PI4KB: variants seen among roughly 807,000 people sequenced by gnomAD.
PI4KB encodes PtdIns 4-kinase beta.
In PI4KB, 23 loss-of-function variants were observed where a neutral mutation model predicts 81.4. That is an observed-to-expected ratio of 0.28 (90% CI 0.20 to 0.40). The LOEUF is 0.40. PI4KB is among the 10% of genes least tolerant of loss of function. The pLI is 1.00. For missense variants in PI4KB, 651 were observed against 1,036.6 expected (o/e 0.63, Z 5.11); for synonymous variants, 381 against 406.8 (o/e 0.94, Z 0.76).
At chr1:151,313,888 A>C (rs1316916299) in intron 2 of PI4KB, among the ~76,000 whole-genome samples, 1 of 152,228 alleles carries the variant, frequency 6.6e-6, no homozygotes, top group Non-Finnish European at 1.5e-5. Context: ...TGGAGATTTG[A>C]GTCCTGGTCT....
chr1:151,317,033 G>C (rs1648066337), intron 1 of PI4KB, among the ~76,000 whole-genome samples: 1 of 151,914 alleles, frequency 6.6e-6, no homozygotes, highest in African/African-American at 2.4e-5. Flanking sequence ...CACCATGTTA[G>C]CCAGGATGGT....
At position 151,316,206 on chromosome 1, in the gene PI4KB, A is replaced by T. The variant is rs1231505306; in HGVS notation, c.276T>A (p.Asp92Glu). Residue 92 changes from aspartate to glutamate, a missense_variant, in exon 2 of 12, where the codon GAT (aspartate) becomes GAA (glutamate). Asp to Glu is a conservative substitution (Grantham distance 45). Coordinates refer to ENST00000368873, the MANE Select transcript of PI4KB (RefSeq NM_001369623.2). ...CCTCCTCCCTGATCTGGGCAGGTGG[A>T]TCATCTAGGCAACGGATCTCACTGT... is the stretch of plus-strand genomic sequence containing the variant. Reference protein sequence around the residue: ...GVDSEIRCLDDPPAQIREEED... With the variant: ...GVDSEIRCLDEPPAQIREEED... The T allele has an allele frequency of 6.2e-7, 1 of 1,613,876 alleles. No homozygotes were observed. Among genetic ancestry groups the T allele is most frequent in the Non-Finnish European group, 8.5e-7 (1 of 1,179,998 alleles).
intron 1 of PI4KB, among the ~76,000 whole-genome samples, chr1:151,316,743 C>T (rs1648002123): frequency 1.3e-5 from 2 of 152,182 alleles, no homozygotes; most frequent in African/African-American, 4.8e-5. Context: ...TCAGCTTAGC[C>T]TCTGTTCTTA....
Position 151,303,782 on chromosome 1 carries a change from C to G in PI4KB, c.1411-132G>C. On this transcript the variant is annotated intron_variant, in intron 5 of 11. Coordinates refer to ENST00000368873, the MANE Select transcript of PI4KB (RefSeq NM_001369623.2). ...CTCTGCTTACACACCATGTTGGTTA[C>G]TGGGACCCCAGGCTGCCCAGAGCAG... 3 of 679,062 alleles carry G rather than the reference C, an allele frequency of 4.4e-6. No individual in the cohort carries two copies. In the South Asian group the frequency reaches 4.8e-5, roughly 11 times the overall value. 42.1% of individuals were successfully genotyped at this position (679,062 alleles called of 1,614,324 possible). A position where few individuals can be genotyped will look rare whatever the true frequency, so the allele number is the denominator to read the frequency against.
At chr1:151,302,998 T>G (rs1468379451) in intron 6 of PI4KB, among the ~76,000 whole-genome samples, 1 of 143,038 alleles carries the variant, frequency 7.0e-6, no homozygotes, top group South Asian at 2.3e-4. Context: ...CTTTCTTGTT[T>G]TTTTTTTTTT....
rs1282841697 is a variant in PI4KB, at chr1:151,306,269, G to A, written c.1277C>T (p.Thr426Met). 1.9e-6 allele frequency: 3 copies of A among 1,613,992 alleles called. No homozygotes were observed. The highest frequency in any genetic ancestry group is 1.1e-5 in the South Asian group (1 of 91,088). ...ARIPENRIRS[T>M]RSVENLPECG... ...TTCGGGCAAGTTTTCTACGGACCTC[G>A]TACTCCGAATTCGGTTCTCGGGGAT... is the stretch of plus-strand genomic sequence containing the variant. The change falls in exon 5 of 12, where the codon ACG (threonine) becomes ATG (methionine). Residue 426 changes from threonine to methionine, a missense_variant. Thr to Met is a moderately conservative substitution (Grantham distance 81). Around this residue, in one of 5 missense-constraint regions of PI4KB, gnomAD observed 246 missense variants for 430.1 expected, o/e 0.57. Coordinates refer to ENST00000368873, the MANE Select transcript of PI4KB (RefSeq NM_001369623.2).
chr1:151,301,300 C>T (rs1447267085), intron 8 of PI4KB, among the ~76,000 whole-genome samples: 3 of 152,212 alleles, frequency 2.0e-5, no homozygotes, highest in African/African-American at 7.2e-5. Flanking sequence ...ACTGCAACCT[C>T]TGCCTCCTGG....
intron 4 of PI4KB, 135 bp downstream of exon 4, chr1:151,307,439 T>C (rs768392783): frequency 9.5e-6 from 6 of 631,018 alleles, no homozygotes; most frequent in African/African-American, 9.1e-5. Flanking sequence ...AGAGTCATGG[T>C]TGACATATGC....
In PI4KB at chr1:151,302,301, G is replaced by A; in HGVS notation, c.1521-3C>T. 6.2e-7 allele frequency: 1 copy of A among 1,611,484 alleles called. No homozygotes were observed. Among genetic ancestry groups the A allele is most frequent in the Non-Finnish European group, 8.5e-7 (1 of 1,177,634 alleles). ...CCAGCTGTTCCGAAAGGCGCCGGCT[G>A]GCAGGAAGAAAATACATCATTTGCT... is the stretch of plus-strand genomic sequence containing the variant. On this transcript the variant is annotated splice_polypyrimidine_tract_variant and splice_region_variant and intron_variant, in intron 6 of 11. Transcript: ENST00000368873.
intron 4 of PI4KB, 162 bp from the exon 5 acceptor site, chr1:151,306,525 C>T (rs952071272): frequency 1.2e-5 from 7 of 602,248 alleles, no homozygotes; most frequent in Non-Finnish European, 1.8e-5. Context: ...AGATACTTGT[C>T]CTATGATCAC....
At chr1:151,294,691 T>C (rs1424973851) in intron 9 of PI4KB, 150 bp from the exon 10 acceptor site, 1 of 646,670 alleles carries the variant, frequency 1.5e-6, no homozygotes, top group African/African-American at 1.8e-5. Context: ...TCCTGTCCAG[T>C]TTCCTAGGAC....
rs1694333600 is a variant in PI4KB, at chr1:151,292,174, A to G, written c.*678T>C. 1 of 152,330 alleles carries G rather than the reference A, an allele frequency of 6.6e-6. No homozygotes were observed. The highest frequency in any genetic ancestry group is 2.1e-4 in the South Asian group (1 of 4,834). 9.4% of individuals were successfully genotyped at this position (152,330 alleles called of 1,614,324 possible). On this transcript the variant is annotated 3_prime_UTR_variant, in exon 12 of 12. Transcript: ENST00000368873. Reference sequence around the variant, plus strand: ...ATTTCAAACAAAAATTAAAAATAAAAAATTGAGAGCTCTTTTCCCTGGGTT... The same window carrying G: ...ATTTCAAACAAAAATTAAAAATAAAGAATTGAGAGCTCTTTTCCCTGGGTT...
intron 2 of PI4KB, among the ~76,000 whole-genome samples, chr1:151,312,256 CTTT>C (rs1553193128): frequency 6.6e-6 from 1 of 152,194 alleles, no homozygotes. Context: ...TGAGCCTCTT[CTTT>C]GAGGCCCGAC....
rs967152918 is a variant in PI4KB at position 151,316,276 on chromosome 1, G to A, written c.206C>T (p.Ser69Phe). 1 of 1,614,088 alleles carries A rather than the reference G, an allele frequency of 6.2e-7. No individual in the cohort carries two copies. Among genetic ancestry groups the A allele is most frequent in the Non-Finnish European group, 8.5e-7 (1 of 1,180,042 alleles). Residue 69 changes from serine to phenylalanine, a missense_variant, in exon 2 of 12, where the codon TCT becomes TTT. By Grantham distance (155) the Ser-to-Phe change is radical. Around this residue, in one of 5 missense-constraint regions of PI4KB, gnomAD observed 314 missense variants for 397.8 expected, o/e 0.79. Transcript: ENST00000368873. ...CAACTCCAGTGGGGTGCCTCTGCTAGAGACTGCCACGCCTCCATGCAAAAG... is the reference window on the plus strand; with the variant it reads ...CAACTCCAGTGGGGTGCCTCTGCTAAAGACTGCCACGCCTCCATGCAAAAG... ...VKLLHGGVAV[S>F]SRGTPLELVN...
At chr1:151,314,609 C>T (rs1236619163) in intron 2 of PI4KB, among the ~76,000 whole-genome samples, 1 of 152,204 alleles carries the variant, frequency 6.6e-6, no homozygotes, top group East Asian at 1.9e-4. Flanking sequence ...TCCCTTTGTG[C>T]TTCTCCCAAA....
chr1:151,315,815 T>C lies in PI4KB; in HGVS notation c.667A>G (p.Met223Val), dbSNP rs1415124243. ...GAGTGTCGTTGAGTGGAAATGTGCA[T>C]GTCTGAAGAATAGGCCCCAAGCAAC... Reference protein sequence around the residue: ...ALLLGAYSSDMHISTQRHSRG... With the variant: ...ALLLGAYSSDVHISTQRHSRG... Residue 223 changes from methionine to valine, a missense_variant, in exon 2 of 12, where the codon ATG (methionine) becomes GTG (valine). By Grantham distance (21) the Met-to-Val change is conservative. This residue lies in a region of PI4KB where 314 missense variants were observed against 397.8 expected (regional missense o/e 0.79). Transcript: ENST00000368873. The C allele has an allele frequency of 1.2e-6, 2 of 1,613,268 alleles. No individual in the cohort carries two copies. The highest frequency in any genetic ancestry group is 1.7e-6 in the Non-Finnish European group (2 of 1,179,560).
chr1:151,307,896 C>A, intron 3 of PI4KB, 95 bp from the exon 4 acceptor site: 1 of 917,336 alleles, frequency 1.1e-6, no homozygotes, highest in Non-Finnish European at 1.8e-6. Context: ...AGGCCGGGGA[C>A]CCCACTATCT....
chr1:151,325,005 T>C, intron 1 of PI4KB: 2 of 589,022 alleles, frequency 3.4e-6, no homozygotes, highest in Non-Finnish European at 4.3e-6. Flanking sequence ...TTTTTTTTTT[T>C]TCCTGAGACA....
At chr1:151,303,250 C>T (rs895077593) in intron 6 of PI4KB, 78 of 275,226 alleles carry the variant, frequency 2.8e-4, no homozygotes, top group Middle Eastern at 2.8e-3. Flanking sequence ...CTGCCCGCCT[C>T]GGCCTCCCAA....
Sources: allele counts gnomAD v4.1 joint callset (sites outside exome capture counted in the v4.1 genomes callset), GRCh38; gene constraint gnomAD v4.1.1; regional missense constraint gnomAD v4.1.1; transcripts MANE v1.5; gene names NCBI Gene and HGNC (gene_info 2026-07-23, HGNC 2026-07-21).